SHISA9: variants seen among roughly 807,000 people sequenced by gnomAD.
The protein encoded by SHISA9 is protein shisa-9.
A neutral mutation model predicts 38.0 loss-of-function variants in SHISA9; 13 were observed. The observed-to-expected ratio is 0.34, with a 90% confidence interval of 0.22 to 0.54. The LOEUF (loss-of-function observed/expected upper bound fraction) is 0.54, where lower values mean the gene tolerates loss of function less well. Ranked by LOEUF, SHISA9 falls within the 20% of genes least tolerant of loss-of-function variation. The pLI is 0.91. For missense variants in SHISA9, 538 were observed against 575.8 expected, an observed-to-expected ratio of 0.93 and a Z score of 0.67; for synonymous variants, 275 against 242.0, an observed-to-expected ratio of 1.14 and a Z score of -1.27.
At chr16:13,373,760 CAA>C in the SHISA9 span, among the ~76,000 whole-genome samples, 45,105 of 119,306 alleles carry the variant, frequency 0.38, 7,947 homozygotes, top group African/African-American at 0.53. Context: ...GACTCCGTCT[CAA>C]AAAAAAAAAA....
chr16:13,382,953 A>G, the SHISA9 span, among the ~76,000 whole-genome samples: 1 of 152,216 alleles, frequency 6.6e-6, no homozygotes, highest in African/African-American at 2.4e-5. Context: ...ATCACATGTC[A>G]TTGATACCTC....
At chr16:13,290,227 A>G in the SHISA9 span, among the ~76,000 whole-genome samples, 134 of 152,300 alleles carry the variant, frequency 8.8e-4, 1 homozygote, top group African/African-American at 3.0e-3. Flanking sequence ...GTTTAACACT[A>G]TGAAAGGGCA....
the SHISA9 span, among the ~76,000 whole-genome samples, chr16:13,391,936 A>G: frequency 6.6e-6 from 1 of 152,150 alleles, no homozygotes; most frequent in African/African-American, 2.4e-5. Flanking sequence ...AAAAGTGACT[A>G]CCTCATTCTC....
At chr16:13,051,639 C>G (rs1052698424) in intron 2 of SHISA9, among the ~76,000 whole-genome samples, 6 of 152,112 alleles carry the variant, frequency 3.9e-5, no homozygotes, top group African/African-American at 1.4e-4. Flanking sequence ...TTTAAACAAA[C>G]AAATGACCAA....
At chr16:13,081,910 T>TGTGTGGTA (rs1233046939) in intron 2 of SHISA9, among the ~76,000 whole-genome samples, 32 of 152,130 alleles carry the variant, frequency 2.1e-4, no homozygotes, top group Admixed American at 1.8e-3. Flanking sequence ...TGTGTGTGTT[T>TGTGTGGTA]GTGTGGTAGT....
intron 2 of SHISA9, 69 bp from the exon 3 acceptor site, chr16:13,203,325 G>A (rs2051024273): frequency 1.5e-6 from 2 of 1,374,610 alleles, no homozygotes; most frequent in East Asian, 5.4e-5. Flanking sequence ...CCAGTGATGT[G>A]GTGATGGGAG....
intron 2 of SHISA9, among the ~76,000 whole-genome samples, chr16:12,943,606 A>AGAAGGAG (rs1289716738): frequency 6.6e-6 from 1 of 152,170 alleles, no homozygotes; most frequent in African/African-American, 2.4e-5. Flanking sequence ...CTCTCCTTAC[A>AGAAGGAG]GAAGGAGGGT....
the SHISA9 span, among the ~76,000 whole-genome samples, chr16:13,394,197 G>T: frequency 6.6e-6 from 1 of 152,332 alleles, no homozygotes; most frequent in Admixed American, 6.5e-5. Context: ...CAGAGAGAAT[G>T]AGGAGACAGT....
chr16:13,480,473 C>G, the SHISA9 span, among the ~76,000 whole-genome samples: 1 of 152,290 alleles, frequency 6.6e-6, no homozygotes, highest in South Asian at 2.1e-4. Flanking sequence ...CCCACTGTGT[C>G]AGCGTGCACC....
chr16:13,312,581 C>T, the SHISA9 span, among the ~76,000 whole-genome samples: 1 of 152,126 alleles, frequency 6.6e-6, no homozygotes, highest in Non-Finnish European at 1.5e-5. Context: ...TACTGGACAT[C>T]CCTTCAAAAG....
chr16:13,298,450 G>A, the SHISA9 span, among the ~76,000 whole-genome samples: 2 of 152,124 alleles, frequency 1.3e-5, no homozygotes, highest in Non-Finnish European at 2.9e-5. Flanking sequence ...TGTGCTAAAA[G>A]TGTTATATGG....
intron 4 of SHISA9, among the ~76,000 whole-genome samples, chr16:13,230,715 T>C (rs2051323862): frequency 6.6e-6 from 1 of 152,024 alleles, no homozygotes; most frequent in African/African-American, 2.4e-5. Context: ...TAATAAGAAG[T>C]AGAGGAATAA....
chr16:13,107,215 T>G (rs2062563880), intron 2 of SHISA9, among the ~76,000 whole-genome samples: 1 of 151,926 alleles, frequency 6.6e-6, no homozygotes, highest in South Asian at 2.1e-4. Flanking sequence ...GTAGATCACC[T>G]GAGGTCAGTA....
intron 2 of SHISA9, among the ~76,000 whole-genome samples, chr16:13,109,861 C>CATAAT (rs1221012503): frequency 1.3e-5 from 2 of 152,152 alleles, no homozygotes; most frequent in Non-Finnish European, 2.9e-5. Context: ...TTTATTGCTG[C>CATAAT]ATAATATTCC....
chr16:13,486,145 A>T, the SHISA9 span, among the ~76,000 whole-genome samples: 1 of 152,216 alleles, frequency 6.6e-6, no homozygotes, highest in African/African-American at 2.4e-5. Context: ...CATCTGATCC[A>T]GGCAGAATCC....
chr16:13,285,840 G>GAGGATACT, the SHISA9 span, among the ~76,000 whole-genome samples: 1 of 152,056 alleles, frequency 6.6e-6, no homozygotes, highest in African/African-American at 2.4e-5. Flanking sequence ...TCTTCCATCA[G>GAGGATACT]AGGATACTGG....
chr16:13,083,283 A>C (rs942472101), intron 2 of SHISA9, among the ~76,000 whole-genome samples: 1 of 152,142 alleles, frequency 6.6e-6, no homozygotes, highest in Non-Finnish European at 1.5e-5. Flanking sequence ...AAGTTGCTCA[A>C]CTTCTCATGG....
At chr16:13,263,360 G>A in the SHISA9 span, among the ~76,000 whole-genome samples, 6 of 152,276 alleles carry the variant, frequency 3.9e-5, no homozygotes, top group East Asian at 1.2e-3. Context: ...ACTGGATCAC[G>A]GGGCGGAGTT....
chr16:13,360,040 C>A, the SHISA9 span, among the ~76,000 whole-genome samples: 2 of 152,200 alleles, frequency 1.3e-5, no homozygotes, highest in African/African-American at 2.4e-5. Context: ...GGGAACTTGA[C>A]TTGCTGGGCT....
Sources: gnomAD v4.1 joint callset for allele counts (sites outside exome capture counted in the v4.1 genomes callset) on GRCh38, gnomAD v4.1.1 for gene constraint, MANE v1.5 for transcripts, NCBI Gene and HGNC (gene_info 2026-07-23, HGNC 2026-07-21) for gene names.